The following SLC24A2 variants were observed in gnomAD, a reference collection of about 807,000 sequenced individuals.
SLC24A2 encodes sodium/potassium/calcium exchanger 2.
In SLC24A2, 36 loss-of-function variants were observed where a neutral mutation model predicts 62.0. That is an observed-to-expected ratio of 0.58 (90% CI 0.44 to 0.77). SLC24A2 has a LOEUF of 0.77. Among genes scored for constraint, SLC24A2 ranks in the 30% least tolerant of loss-of-function variants. The probability of loss-of-function intolerance (pLI) is 0.00; values close to 1 mark genes in which losing one functional copy is unlikely to be tolerated. For missense variants in SLC24A2, 846 were observed against 817.9 expected, an observed-to-expected ratio of 1.03 and a Z score of -0.42; for synonymous variants, 358 against 294.0, an observed-to-expected ratio of 1.22 and a Z score of -2.23.
chr9:20,121,248 T>G, the SLC24A2 span, among the ~76,000 whole-genome samples: 1 of 151,486 alleles, frequency 6.6e-6, no homozygotes, highest in African/African-American at 2.4e-5. Context: ...TTCCAATCCA[T>G]GAACTTTGTA....
At chr9:19,727,883 G>A (rs992121424) in intron 2 of SLC24A2, among the ~76,000 whole-genome samples, 2 of 152,104 alleles carry the variant, frequency 1.3e-5, no homozygotes, top group African/African-American at 4.8e-5. Context: ...TTTCTCAGAG[G>A]GGAAAGGGGC....
At chr9:20,056,986 C>A in the SLC24A2 span, among the ~76,000 whole-genome samples, 1 of 152,198 alleles carries the variant, frequency 6.6e-6, no homozygotes, top group East Asian at 1.9e-4. Context: ...GGGAGAAATT[C>A]TGTCTCCCTA....
At chr9:19,749,581 G>A (rs375012996) in intron 2 of SLC24A2, among the ~76,000 whole-genome samples, 8 of 152,130 alleles carry the variant, frequency 5.3e-5, no homozygotes, top group Admixed American at 2.0e-4. Context: ...AATGTTCAAC[G>A]TAGATTAAAT....
intron 2 of SLC24A2, among the ~76,000 whole-genome samples, chr9:19,769,466 G>A (rs1822618996): frequency 6.6e-6 from 1 of 152,202 alleles, no homozygotes. Flanking sequence ...CAGTGAACAT[G>A]AGTCAGACTT....
chr9:19,774,706 G>A (rs1165750645), intron 2 of SLC24A2, among the ~76,000 whole-genome samples: 1 of 152,154 alleles, frequency 6.6e-6, no homozygotes, highest in Non-Finnish European at 1.5e-5. Flanking sequence ...AAAAGAGAAA[G>A]TTACTTACAG....
chr9:20,077,349 A>G, the SLC24A2 span, among the ~76,000 whole-genome samples: 315 of 152,326 alleles, frequency 2.1e-3, no homozygotes, highest in African/African-American at 7.1e-3. Flanking sequence ...CTGCTTCACT[A>G]TAGTAACTAT....
At chr9:19,637,606 A>G (rs958711713) in intron 2 of SLC24A2, among the ~76,000 whole-genome samples, 1 of 152,222 alleles carries the variant, frequency 6.6e-6, no homozygotes, top group Non-Finnish European at 1.5e-5. Flanking sequence ...AAGGAAATAA[A>G]GGCATGGAGA....
At chr9:20,299,621 C>G in the SLC24A2 span, among the ~76,000 whole-genome samples, 2 of 152,204 alleles carry the variant, frequency 1.3e-5, no homozygotes, top group African/African-American at 4.8e-5. Context: ...CCTGAAGACC[C>G]AGAGTGATCC....
At chr9:19,840,538 G>C in the SLC24A2 span, among the ~76,000 whole-genome samples, 1 of 151,908 alleles carries the variant, frequency 6.6e-6, no homozygotes, top group Non-Finnish European at 1.5e-5. Flanking sequence ...TTTTTCTTCT[G>C]GTTTAATGAA....
At chr9:19,712,744 T>C (rs1044853537) in intron 2 of SLC24A2, among the ~76,000 whole-genome samples, 1 of 152,206 alleles carries the variant, frequency 6.6e-6, no homozygotes, top group Non-Finnish European at 1.5e-5. Context: ...TGGAATGCTC[T>C]TTCTCTGGAT....
intron 5 of SLC24A2, among the ~76,000 whole-genome samples, chr9:19,586,844 C>T (rs1288876562): frequency 6.6e-6 from 1 of 152,166 alleles, no homozygotes; most frequent in Non-Finnish European, 1.5e-5. Flanking sequence ...ATGGCTCACA[C>T]AAAGAAATTC....
the SLC24A2 span, among the ~76,000 whole-genome samples, chr9:19,963,825 C>T: frequency 6.6e-5 from 10 of 152,108 alleles, no homozygotes; most frequent in Admixed American, 3.9e-4. Context: ...TCCTCGGGGA[C>T]CTAGAACTAG....
the SLC24A2 span, among the ~76,000 whole-genome samples, chr9:19,863,900 A>C: frequency 6.6e-6 from 1 of 151,992 alleles, no homozygotes; most frequent in Admixed American, 6.6e-5. Flanking sequence ...CGAAACAAAA[A>C]GTTGTTTTTT....
At chr9:20,210,490 T>C in the SLC24A2 span, among the ~76,000 whole-genome samples, 1 of 152,096 alleles carries the variant, frequency 6.6e-6, no homozygotes, top group Admixed American at 6.6e-5. Flanking sequence ...TTTGTTTTTT[T>C]TTGAGACAGA....
chr9:19,895,930 T>C, the SLC24A2 span: 8,230 of 1,613,194 alleles, frequency 5.1e-3, 31 homozygotes, highest in Non-Finnish European at 5.8e-3. Context: ...CCTCATCAGG[T>C]CAAACAGCTG....
At chr9:19,902,410 T>A in the SLC24A2 span, among the ~76,000 whole-genome samples, 6 of 152,304 alleles carry the variant, frequency 3.9e-5, no homozygotes, top group Admixed American at 2.0e-4. Flanking sequence ...TTACAACAGA[T>A]GAATCCTGCC....
At chr9:19,518,711 C>T (rs563767825) in intron 10 of SLC24A2, among the ~76,000 whole-genome samples, 21 of 152,196 alleles carry the variant, frequency 1.4e-4, no homozygotes, top group South Asian at 2.1e-4. Context: ...TGAGCCACTG[C>T]GCCCTGGAGC....
chr9:19,957,100 G>A, the SLC24A2 span, among the ~76,000 whole-genome samples: 3 of 152,228 alleles, frequency 2.0e-5, no homozygotes, highest in East Asian at 5.8e-4. Flanking sequence ...AGTGATAAAC[G>A]TTCTTGTCTA....
the SLC24A2 span, among the ~76,000 whole-genome samples, chr9:20,084,277 G>A: frequency 1.3e-5 from 2 of 152,218 alleles, no homozygotes; most frequent in African/African-American, 2.4e-5. Context: ...TACTTCAAGT[G>A]TAGTGGTGTG....
Sources: gnomAD v4.1 joint callset for allele counts (sites outside exome capture counted in the v4.1 genomes callset) on GRCh38, gnomAD v4.1.1 for gene constraint, MANE v1.5 for transcripts, NCBI Gene and HGNC (gene_info 2026-07-23, HGNC 2026-07-21) for gene names.